Variants in C6orf52 observed in about 807,000 individuals in gnomAD.
C6orf52 encodes the protein chromosome 6 open reading frame 52, also known as putative uncharacterized protein C6orf52.
In C6orf52, 16 loss-of-function variants were observed where a neutral mutation model predicts 16.6. That is an observed-to-expected ratio of 0.96 (90% confidence interval 0.65 to 1.46). The LOEUF is 1.46. Ranked by LOEUF, C6orf52 falls within the 40% of genes most tolerant of loss-of-function variation. The pLI is 0.00. For synonymous variants in C6orf52, 53 were observed against 61.4 expected (o/e 0.86, Z 0.64); for missense variants, 166 against 182.3 (o/e 0.91, Z 0.52).
At chr6:10,690,612 A>C (rs746097543) in intron 1 of C6orf52, among the ~76,000 whole-genome samples, 1 of 152,148 alleles carries the variant, frequency 6.6e-6, no homozygotes, top group Non-Finnish European at 1.5e-5. Flanking sequence ...AAGAAGAAAA[A>C]CTAGCTTTTA....
At chr6:10,674,353 G>A (rs986544946) in intron 4 of C6orf52, among the ~76,000 whole-genome samples, 2 of 152,134 alleles carry the variant, frequency 1.3e-5, no homozygotes, top group African/African-American at 4.8e-5. Flanking sequence ...GGTTAAGTAA[G>A]AAACATTAAT....
intron 4 of C6orf52, among the ~76,000 whole-genome samples, chr6:10,674,337 A>G (rs1246325882): frequency 6.6e-6 from 1 of 152,098 alleles, no homozygotes; most frequent in East Asian, 1.9e-4. Flanking sequence ...TCCATACCAG[A>G]TATTAGGTTA....
At chr6:10,675,800 G>C (rs1279154372) in intron 4 of C6orf52, among the ~76,000 whole-genome samples, 1 of 152,128 alleles carries the variant, frequency 6.6e-6, no homozygotes, top group Non-Finnish European at 1.5e-5. Context: ...ATTTTCTCAT[G>C]CATCTATTGG....
rs542428801 is a variant in C6orf52 at position 10,676,938 on chromosome 6, C to T, written c.317-5340G>A. On this transcript the variant is annotated intron_variant, in intron 4 of 4. Coordinates refer to ENST00000259983, the MANE Select transcript of C6orf52 (RefSeq NM_001145020.3). ...TGCCTCTTCATAATCACTTGCATAG[C>T]GTGCAAATATTTTCTCCCACTCCGT... Among the ~76,000 whole-genome samples the T allele has an allele frequency of 1.6e-4, 24 of 152,314 alleles. No homozygotes were observed. The South Asian group carries it at 4.8e-3, about 30-fold the overall frequency.
chr6:10,681,897 G>A (rs78297403), intron 4 of C6orf52, among the ~76,000 whole-genome samples: 2,491 of 152,224 alleles, frequency 0.016, 21 homozygotes, highest in Middle Eastern at 0.075. Flanking sequence ...ACATGCCCAC[G>A]GTGAAAAATT....
intron 3 of C6orf52, 25 bp from the exon 4 acceptor site, chr6:10,683,257 GA>G: frequency 6.7e-7 from 1 of 1,495,962 alleles, no homozygotes; most frequent in East Asian, 2.5e-5. Context: ...TATCTCATGA[GA>G]AAATAATTTT....
At chr6:10,685,759 T>C (rs1010907884) in intron 3 of C6orf52, among the ~76,000 whole-genome samples, 11 of 152,178 alleles carry the variant, frequency 7.2e-5, no homozygotes, top group African/African-American at 2.7e-4. Context: ...CCCTCAATAA[T>C]AGATAAATGC....
At chr6:10,687,242 T>G in intron 2 of C6orf52, 78 bp from the exon 3 acceptor site, 1 of 1,086,268 alleles carries the variant, frequency 9.2e-7, no homozygotes, top group South Asian at 1.5e-5. Flanking sequence ...CCAGGAAGTT[T>G]GCAGTAAGCT....
chr6:10,687,162 A>G lies in C6orf52; in HGVS notation c.74T>C (p.Leu25Pro). 1 of 1,545,270 alleles carries G rather than the reference A, an allele frequency of 6.5e-7. No individual in the cohort carries two copies. The part of the protein sequence containing the change: ...QNNYYCYWQS[L>P]PSAIRVKQEF... ...CTGCTTCACTCTAATAGCAGAGGGG[A>G]GACTACAGGAATGACAATCATCACA... The change falls in exon 3 of 5, where the codon CTC (leucine) becomes CCC (proline). Residue 25 changes from leucine (L) to proline (P), a missense_variant and splice_region_variant. Physicochemically the swap from Leu to Pro is moderately conservative, Grantham distance 98. Transcript: ENST00000259983.
At chr6:10,691,023 G>C (rs764703265) in intron 1 of C6orf52, among the ~76,000 whole-genome samples, 1 of 152,190 alleles carries the variant, frequency 6.6e-6, no homozygotes, top group African/African-American at 2.4e-5. Flanking sequence ...CTGTTAAAGA[G>C]AATGTTCAAG....
chr6:10,687,500 G>A lies in C6orf52; in HGVS notation c.51C>T (p.Asn17=), dbSNP rs758111403. 5.8e-6 allele frequency: 9 copies of A among 1,550,312 alleles called. 1 individual carries two copies. The South Asian group carries it at 8.3e-5, about 14-fold the overall frequency. ...CTCACCTTTGCCAGTAGCAGTAATA[G>A]TTATTTTGTTGAGCTATGCCAAAAT... The part of the protein sequence containing the change: ...SADFGIAQQN[N]YYCYWQSLPS... Residue 17 remains asparagine (N), a synonymous_variant, in exon 2 of 5, where the codon AAC becomes AAT. Coordinates refer to ENST00000259983, the MANE Select transcript of C6orf52 (RefSeq NM_001145020.3).
Position 10,692,085 on chromosome 6 carries a change from G to A in C6orf52, c.-12+2409C>T, listed in dbSNP as rs1293453978. Among the ~76,000 whole-genome samples, 6 of 152,208 alleles carry A rather than the reference G, an allele frequency of 3.9e-5. 1 individual carries two copies. The South Asian group carries it at 1.2e-3, about 32-fold the overall frequency. On this transcript the variant is annotated intron_variant, in intron 1 of 4. Coordinates refer to ENST00000259983, the MANE Select transcript of C6orf52 (RefSeq NM_001145020.3). ...TCAAACAGCAGTTGAGATGTCCCTG[G>A]GGTAAGGAGACAGGGCACCAGGGAC...
chr6:10,691,708 A>G (rs575596161), intron 1 of C6orf52, among the ~76,000 whole-genome samples: 30 of 152,270 alleles, frequency 2.0e-4, no homozygotes, highest in African/African-American at 5.3e-4. Context: ...ATATTTGCAT[A>G]TAATTTCATG....
intron 4 of C6orf52, among the ~76,000 whole-genome samples, chr6:10,679,979 G>A (rs1178139939): frequency 3.3e-5 from 5 of 152,166 alleles, no homozygotes; most frequent in Non-Finnish European, 7.3e-5. Flanking sequence ...ATCACCAAGC[G>A]CAGTTGCTCA....
chr6:10,694,292 G>T (rs1406708638), intron 1 of C6orf52, among the ~76,000 whole-genome samples: 2 of 149,460 alleles, frequency 1.3e-5, no homozygotes, highest in African/African-American at 5.0e-5. Context: ...AAGGCTCACT[G>T]CTCCCTCCCC....
At chr6:10,675,873 T>C (rs1447392919) in intron 4 of C6orf52, among the ~76,000 whole-genome samples, 2 of 152,262 alleles carry the variant, frequency 1.3e-5, no homozygotes, top group Non-Finnish European at 2.9e-5. Context: ...GGCTCACGCC[T>C]GTAATCCCAG....
intron 4 of C6orf52, among the ~76,000 whole-genome samples, chr6:10,681,476 TA>T (rs781060766): frequency 2.0e-5 from 3 of 152,262 alleles, no homozygotes; most frequent in Non-Finnish European, 2.9e-5. Context: ...ATTTTGGGTT[TA>T]CTTTGTTCTT....
chr6:10,692,857 G>A (rs1368010008), intron 1 of C6orf52, among the ~76,000 whole-genome samples: 1 of 152,166 alleles, frequency 6.6e-6, no homozygotes. Context: ...TGAATACAAG[G>A]ATTTCCACTA....
At chr6:10,688,195 T>A (rs1001998005) in intron 1 of C6orf52, among the ~76,000 whole-genome samples, 1 of 149,992 alleles carries the variant, frequency 6.7e-6, no homozygotes, top group African/African-American at 2.5e-5. Flanking sequence ...ATTTCTCTGG[T>A]TCAGTTTTTT....
Sources: gnomAD v4.1 joint callset for allele counts (sites outside exome capture counted in the v4.1 genomes callset) on GRCh38, gnomAD v4.1.1 for gene constraint, MANE v1.5 for transcripts, NCBI Gene and HGNC (gene_info 2026-07-23, HGNC 2026-07-21) for gene names.